ROR1: variants seen among roughly 807,000 people sequenced by gnomAD.
ROR1 encodes ROR family WNT receptor 1.
ROR1 carries 19 observed loss-of-function variants against 78.8 expected under a neutral mutation model. The observed-to-expected ratio is 0.24, with a 90% CI of 0.17 to 0.35. ROR1 has a LOEUF of 0.35. Among genes scored for constraint, ROR1 ranks in the 10% least tolerant of loss-of-function variants. The pLI is 1.00. For synonymous variants in ROR1, 386 were observed against 433.6 expected, an observed-to-expected ratio of 0.89 and a Z score of 1.36; for missense variants, 917 against 1,177.8, an observed-to-expected ratio of 0.78 and a Z score of 3.24.
chr1:63,990,899 G>C (rs540423028), intron 1 of ROR1, among the ~76,000 whole-genome samples: 1 of 152,240 alleles, frequency 6.6e-6, no homozygotes, highest in South Asian at 2.1e-4. Flanking sequence ...TATTATAGTT[G>C]AAAGGCATAT....
chr1:64,030,804 AT>A (rs1231606011), intron 2 of ROR1, among the ~76,000 whole-genome samples: 1 of 152,198 alleles, frequency 6.6e-6, no homozygotes, highest in Non-Finnish European at 1.5e-5. Context: ...GAAAACTTAT[AT>A]TTAGATTATT....
chr1:64,145,420 G>T (rs1283743670), intron 7 of ROR1, among the ~76,000 whole-genome samples: 1 of 152,202 alleles, frequency 6.6e-6, no homozygotes, highest in Non-Finnish European at 1.5e-5. Flanking sequence ...CCTGTTACTT[G>T]TTATTATAGT....
intron 1 of ROR1, among the ~76,000 whole-genome samples, chr1:64,004,184 A>T (rs1037729522): frequency 2.0e-5 from 3 of 152,234 alleles, no homozygotes; most frequent in Non-Finnish European, 4.4e-5. Flanking sequence ...CTTCCCTACC[A>T]GGGGCCTCAC....
At chr1:63,827,291 T>C (rs1644959545) in intron 1 of ROR1, among the ~76,000 whole-genome samples, 1 of 152,188 alleles carries the variant, frequency 6.6e-6, no homozygotes, top group East Asian at 1.9e-4. Flanking sequence ...TTAGTTTAAT[T>C]AGACCCCATT....
chr1:63,869,859 C>A (rs1569843599), intron 1 of ROR1, among the ~76,000 whole-genome samples: 1 of 149,550 alleles, frequency 6.7e-6, no homozygotes, highest in Non-Finnish European at 1.5e-5. Context: ...TAGACAGAGA[C>A]AGAGGTAAGT....
At chr1:63,829,733 G>A (rs984218366) in intron 1 of ROR1, among the ~76,000 whole-genome samples, 3 of 152,170 alleles carry the variant, frequency 2.0e-5, no homozygotes, top group Admixed American at 6.5e-5. Context: ...ATCAAGGAGC[G>A]CTTTGCAGGC....
In ROR1 at chr1:64,061,960, T is replaced by C. The variant is rs181186019; in HGVS notation, c.482+11244T>C. Among the ~76,000 whole-genome samples, 448 of 152,322 alleles carry C rather than the reference T, an allele frequency of 2.9e-3. 1 individual carries two copies. Among genetic ancestry groups the C allele is most frequent in the Non-Finnish European group, 4.4e-3 (301 of 68,022 alleles). Reference sequence around the variant, plus strand: ...CTCTTTTATCTGTCAGGCGCTTCTATCCTGTGCATTCTAAACAAGATCTTA... The same window carrying C: ...CTCTTTTATCTGTCAGGCGCTTCTACCCTGTGCATTCTAAACAAGATCTTA... On this transcript the variant is annotated intron_variant, in intron 4 of 8. Coordinates refer to ENST00000371079, the MANE Select transcript of ROR1 (RefSeq NM_005012.4).
Position 63,952,561 on chromosome 1 carries a change from CT to C in ROR1, c.92-56743del, listed in dbSNP as rs554678974. Among the ~76,000 whole-genome samples the C allele has an allele frequency of 4.2e-3, 642 of 152,292 alleles. 5 individuals carry two copies. Among genetic ancestry groups the C allele is most frequent in the African/African-American group, 0.015 (616 of 41,566 alleles). On this transcript the variant is annotated intron_variant, in intron 1 of 8. Coordinates refer to ENST00000371079, the MANE Select transcript of ROR1 (RefSeq NM_005012.4). ...CAGGCATGGAGCTAGGAAAGGTAACCTGTCTGAGGGCCTTTGACAGACCAGT... is the reference window on the plus strand; with the variant it reads ...CAGGCATGGAGCTAGGAAAGGTAACCGTCTGAGGGCCTTTGACAGACCAGT...
At chr1:63,843,872 A>G (rs1316121250) in intron 1 of ROR1, among the ~76,000 whole-genome samples, 1 of 152,122 alleles carries the variant, frequency 6.6e-6, no homozygotes, top group Admixed American at 6.5e-5. Flanking sequence ...CCCTCTTCAT[A>G]TTAGTCCTCC....
chr1:64,115,933 G>A (rs536862675), intron 4 of ROR1, among the ~76,000 whole-genome samples: 2 of 152,192 alleles, frequency 1.3e-5, no homozygotes, highest in South Asian at 2.1e-4. Flanking sequence ...GCCAATAAAT[G>A]GTCAACATGA....
chr1:64,161,864 G>T (rs1422058080), intron 8 of ROR1, among the ~76,000 whole-genome samples: 1 of 152,096 alleles, frequency 6.6e-6, no homozygotes, highest in African/African-American at 2.4e-5. Flanking sequence ...TCAAATTTGA[G>T]TTATTCAATT....
chr1:63,846,842 C>T (rs1645084652), intron 1 of ROR1, among the ~76,000 whole-genome samples: 3 of 152,230 alleles, frequency 2.0e-5, no homozygotes, highest in Admixed American at 2.0e-4. Context: ...AGCTCACTAA[C>T]ACTCCTAATG....
At chr1:64,078,652 C>G (rs1223985131) in intron 4 of ROR1, among the ~76,000 whole-genome samples, 7 of 152,014 alleles carry the variant, frequency 4.6e-5, no homozygotes, top group Non-Finnish European at 7.4e-5. Context: ...AGGACCTCAC[C>G]CTCCTCTGAT....
In ROR1 at chr1:64,056,064, G is replaced by A. The variant is rs138576535; in HGVS notation, c.482+5348G>A. On this transcript the variant is annotated intron_variant, in intron 4 of 8. Coordinates refer to ENST00000371079, the MANE Select transcript of ROR1 (RefSeq NM_005012.4). Reference sequence around the variant, plus strand: ...TCCATGCATGGCTATACCACATTTCGTTTATCCATTTTTCTGTTGATGGAC... The same window carrying A: ...TCCATGCATGGCTATACCACATTTCATTTATCCATTTTTCTGTTGATGGAC... Among the ~76,000 whole-genome samples, 190 of 152,128 alleles carry A rather than the reference G, an allele frequency of 1.2e-3. 1 individual carries two copies. The highest frequency in any genetic ancestry group is 4.0e-3 in the African/African-American group (165 of 41,474).
At chr1:64,140,531 A>G (rs1466372592) in intron 6 of ROR1, 105 bp downstream of exon 6, 3 of 1,065,066 alleles carry the variant, frequency 2.8e-6, no homozygotes, top group Non-Finnish European at 4.1e-6. Flanking sequence ...CTGTTAATCA[A>G]ATTATTTTCC....
intron 1 of ROR1, among the ~76,000 whole-genome samples, chr1:63,934,991 C>T (rs1263173939): frequency 6.6e-6 from 1 of 151,250 alleles, no homozygotes; most frequent in Admixed American, 6.6e-5. Flanking sequence ...AGCAATCTGC[C>T]ATCCATCTCC....
At chr1:63,926,583 T>G (rs1441689413) in intron 1 of ROR1, among the ~76,000 whole-genome samples, 2 of 127,118 alleles carry the variant, frequency 1.6e-5, no homozygotes, top group Non-Finnish European at 3.4e-5. Context: ...GCATTGAATC[T>G]GTAAATTACC....
intron 4 of ROR1, among the ~76,000 whole-genome samples, chr1:64,073,417 T>C (rs775822167): frequency 4.8e-4 from 73 of 152,150 alleles, no homozygotes; most frequent in Non-Finnish European, 9.4e-4. Context: ...AAGCCCTGAG[T>C]GGAAATTCGC....
chr1:63,899,224 C>A (rs921862730), intron 1 of ROR1, among the ~76,000 whole-genome samples: 4 of 152,152 alleles, frequency 2.6e-5, no homozygotes, highest in Non-Finnish European at 5.9e-5. Context: ...AGTTTCTCCA[C>A]AAAATCCACA....
Sources: gnomAD v4.1 joint callset for allele counts (sites outside exome capture counted in the v4.1 genomes callset) on GRCh38, gnomAD v4.1.1 for gene constraint, MANE v1.5 for transcripts, NCBI Gene and HGNC (gene_info 2026-07-23, HGNC 2026-07-21) for gene names.